The following ZNF8 variants were observed in gnomAD, a reference collection of about 807,000 sequenced individuals.
ZNF8 encodes zinc finger protein 272.
In ZNF8, 9 loss-of-function variants were observed where a neutral mutation model predicts 12.2. The observed-to-expected ratio is 0.73, with a 90% CI of 0.44 to 1.28. The LOEUF (loss-of-function observed/expected upper bound fraction) is 1.28, where lower values mean the gene tolerates loss of function less well. Ranked by LOEUF, ZNF8 falls within the 50% of genes most tolerant of loss-of-function variation. The pLI is 0.00. For synonymous variants in ZNF8, 274 were observed against 282.3 expected, an observed-to-expected ratio of 0.97 and a Z score of 0.30; for missense variants, 664 against 729.1, an observed-to-expected ratio of 0.91 and a Z score of 1.03.
chr19:58,279,447 G>T, intron 1 of ZNF8: 1 of 1,452,610 alleles, frequency 6.9e-7, no homozygotes, highest in East Asian at 2.5e-5. Context: ...GTTCTGCTCC[G>T]CCCCGCCGAC....
chr19:58,294,400 G>C lies in ZNF8; in HGVS notation c.592G>C (p.Glu198Gln). 7.4e-6 allele frequency: 12 copies of C among 1,614,012 alleles called. No homozygotes were observed. The highest frequency in any genetic ancestry group is 1.0e-5 in the Non-Finnish European group (12 of 1,180,018). The part of the protein sequence containing the change: ...PNPFPEISRG[E>Q]YLYTYDSQIT... Reference sequence around the variant, plus strand: ...TCCATTCCCAGAGATCTCTAGAGGGGAGTATTTGTATACTTACGACTCACA... The same window carrying C: ...TCCATTCCCAGAGATCTCTAGAGGGCAGTATTTGTATACTTACGACTCACA... Residue 198 changes from glutamate (E) to glutamine (Q), a missense_variant, in exon 4 of 4, where the codon GAG becomes CAG. Glu to Gln is a conservative substitution (Grantham distance 29). This residue lies in a region of ZNF8 where 306 missense variants were observed against 308.7 expected (regional missense o/e 0.99). Coordinates refer to ENST00000621650, the MANE Select transcript of ZNF8 (RefSeq NM_021089.3). This position sits in a 1 kb window ranked among gnomAD's most constrained non-coding sequence, Gnocchi z 5.5.
intron 3 of ZNF8, among the ~76,000 whole-genome samples, chr19:58,288,490 C>T (rs2147957264): frequency 6.6e-6 from 1 of 152,254 alleles, no homozygotes; most frequent in South Asian, 2.1e-4. Context: ...TTTGGCAGAA[C>T]TCTAGATGTC....
chr19:58,290,820 G>T (rs904523292), intron 3 of ZNF8, among the ~76,000 whole-genome samples: 2 of 152,160 alleles, frequency 1.3e-5, no homozygotes, highest in Non-Finnish European at 2.9e-5. Flanking sequence ...GGAGGCCGAG[G>T]CGGGTGGTTC....
intron 1 of ZNF8, among the ~76,000 whole-genome samples, chr19:58,283,678 C>T (rs1356930148): frequency 1.3e-5 from 2 of 148,926 alleles, no homozygotes; most frequent in African/African-American, 5.0e-5. Flanking sequence ...TGACTCACTG[C>T]AAGCTCTGCC....
intron 1 of ZNF8, among the ~76,000 whole-genome samples, chr19:58,283,645 G>A (rs937015693): frequency 6.7e-6 from 1 of 148,560 alleles, no homozygotes; most frequent in Non-Finnish European, 1.5e-5. Flanking sequence ...TGTTGCCCAG[G>A]CTGGAGTGCA....
In ZNF8 at chr19:58,286,215, C is replaced by G. The variant is rs2051382253; in HGVS notation, c.289+10C>G. ...CAGGGCTGCCATCCAGGTGAGAACCCACTATGTGGGAGCAGCTAATGGGAG... is the reference window on the plus strand; with the variant it reads ...CAGGGCTGCCATCCAGGTGAGAACCGACTATGTGGGAGCAGCTAATGGGAG... On this transcript the variant is annotated intron_variant, in intron 3 of 3. Coordinates refer to ENST00000621650, the MANE Select transcript of ZNF8 (RefSeq NM_021089.3). 1 of 1,550,608 alleles carries G rather than the reference C, an allele frequency of 6.4e-7. No individual in the cohort carries two copies. Among genetic ancestry groups the G allele is most frequent in the Non-Finnish European group, 8.7e-7 (1 of 1,145,360 alleles).
At chr19:58,284,228 A>G (rs1600453242) in intron 1 of ZNF8, among the ~76,000 whole-genome samples, 1 of 85,300 alleles carries the variant, frequency 1.2e-5, no homozygotes, top group Non-Finnish European at 2.6e-5. Context: ...CCATCTCGAG[A>G]AAAAAAAAAT....
rs1322135774 is a variant in ZNF8, at chr19:58,295,254, C to T, written c.1446C>T (p.Leu482=). 6 of 1,614,252 alleles carry T rather than the reference C, an allele frequency of 3.7e-6. No homozygotes were observed. The highest frequency in any genetic ancestry group is 4.2e-6 in the Non-Finnish European group (5 of 1,180,044). ...AGTGTTTCATTCAGAGCTCTCACCT[C>T]ATCCGGCACCAGATAACTCACACCA... is the stretch of plus-strand genomic sequence containing the variant. ...CGKCFIQSSH[L]IRHQITHTRE... is the part of the protein sequence containing the mutation. The change falls in exon 4 of 4, where the codon CTC becomes CTT. Residue 482 remains leucine, a synonymous_variant. Transcript: ENST00000621650.
chr19:58,283,569 C>G (rs2051363372), intron 1 of ZNF8, among the ~76,000 whole-genome samples: 1 of 151,678 alleles, frequency 6.6e-6, no homozygotes, highest in African/African-American at 2.4e-5. Context: ...TATTAGACTT[C>G]CCAGCCTTCA....
Position 58,284,235 on chromosome 19 carries a change from A to T in ZNF8, c.67-1482A>T, listed in dbSNP as rs574576279. ...TGAGACTCCCATCTCGAGAAAAAAAAAATAATAAATTATTCAGTCTGTGAT... is the reference window on the plus strand; with the variant it reads ...TGAGACTCCCATCTCGAGAAAAAAATAATAATAAATTATTCAGTCTGTGAT... On this transcript the variant is annotated intron_variant, in intron 1 of 3. Transcript: ENST00000621650. 1.4e-3 allele frequency among the ~76,000 whole-genome samples: 220 copies of T among 152,214 alleles called. 1 individual carries two copies. Among genetic ancestry groups the T allele is most frequent in the African/African-American group, 3.9e-3 (162 of 41,528 alleles).
chr19:58,279,157 A>G lies in ZNF8; in HGVS notation c.66+10A>G, dbSNP rs778552022. On this transcript the variant is annotated intron_variant, in intron 1 of 3. Transcript: ENST00000621650. ...GGCGGCCCGGCTTCAGGTAACAATA[A>G]CAACAATAACGACGGCGGCGGGCTC... 4 of 1,559,192 alleles carry G rather than the reference A, an allele frequency of 2.6e-6. No homozygotes were observed. The highest frequency in any genetic ancestry group is 1.7e-6 in the Non-Finnish European group (2 of 1,152,844).
Position 58,302,445 on chromosome 19 carries a change from A to G in ZNF8, c.*6909A>G, listed in dbSNP as rs528736805. ...ATAGTGTACACTAAATTTTACATAC[A>G]CACAGAGGAATATATATGTGTATAG... On this transcript the variant is annotated 3_prime_UTR_variant, in exon 4 of 4. Coordinates refer to ENST00000621650, the MANE Select transcript of ZNF8 (RefSeq NM_021089.3). The G allele has an allele frequency of 6.6e-6, 1 of 152,342 alleles. No individual in the cohort carries two copies. The highest frequency in any genetic ancestry group is 2.1e-4 in the South Asian group (1 of 4,830). 9.4% of individuals were successfully genotyped at this position (152,342 alleles called of 1,614,324 possible).
chr19:58,286,017 G>C, intron 2 of ZNF8, 93 bp from the exon 3 acceptor site: 1 of 1,445,644 alleles, frequency 6.9e-7, no homozygotes, highest in Non-Finnish European at 9.6e-7. Flanking sequence ...AGGTGCCCAC[G>C]TGTCCTCACA....
intron 3 of ZNF8, among the ~76,000 whole-genome samples, chr19:58,289,740 C>T (rs2051405540): frequency 6.6e-6 from 1 of 152,072 alleles, no homozygotes; most frequent in South Asian, 2.1e-4. Context: ...CCTTCTGCTT[C>T]CCTCCTATAT....
chr19:58,285,862 G>T lies in ZNF8; in HGVS notation c.193+19G>T. On this transcript the variant is annotated intron_variant, in intron 2 of 3. Transcript: ENST00000621650. ...TCCATAGGTAAGCCCTGCTTCGCAA[G>T]GTGTGATAGCTGATTCTCTCTGGGT... The T allele has an allele frequency of 6.3e-7, 1 of 1,596,138 alleles. No individual in the cohort carries two copies. Among genetic ancestry groups the T allele is most frequent in the Non-Finnish European group, 8.5e-7 (1 of 1,170,546 alleles).
Position 58,294,417 on chromosome 19 carries a change from C to A in ZNF8, c.609C>A (p.Tyr203Ter), listed in dbSNP as rs3745137. ...EISRGEYLYT[Y>*]DSQITDSEHN... ...CTAGAGGGGAGTATTTGTATACTTA[C>A]GACTCACAGATTACAGACTCAGAAC... The change falls in exon 4 of 4, where the codon TAC becomes TAA. Residue 203 changes from tyrosine to a stop codon, truncating the protein, a stop_gained. Transcript: ENST00000621650. LOFTEE classifies it low-confidence loss of function (END_TRUNC). This position sits in a 1 kb window ranked among gnomAD's most constrained non-coding sequence, Gnocchi z 5.5. 2 of 1,614,046 alleles carry A rather than the reference C, an allele frequency of 1.2e-6. No homozygotes were observed. The highest frequency in any genetic ancestry group is 1.7e-6 in the Non-Finnish European group (2 of 1,180,032).
intron 2 of ZNF8, 56 bp downstream of exon 2, chr19:58,285,899 G>T (rs1280231781): frequency 1.9e-5 from 30 of 1,559,840 alleles, no homozygotes; most frequent in Non-Finnish European, 4.3e-6. Flanking sequence ...ATAAGTCATG[G>T]GGCCTCTGGT....
Position 58,294,508 on chromosome 19 carries a change from T to C in ZNF8, c.700T>C (p.Cys234Arg), listed in dbSNP as rs145477083. Residue 234 changes from cysteine (C) to arginine (R), a missense_variant, in exon 4 of 4, where the codon TGT (cysteine) becomes CGT (arginine). This residue lies in a region of ZNF8 where 306 missense variants were observed against 308.7 expected (regional missense o/e 0.99). Coordinates refer to ENST00000621650, the MANE Select transcript of ZNF8 (RefSeq NM_021089.3). This position sits in a 1 kb window ranked among gnomAD's most constrained non-coding sequence, Gnocchi z 5.5. ...AAAACAGCCCGGTGAAAACAGTGAC[T>C]GTCACAGAGATTCCAGTCAGGCCAT... is the stretch of plus-strand genomic sequence containing the variant. Reference protein sequence around the residue: ...PGKQPGENSDCHRDSSQAIPI... With the variant: ...PGKQPGENSDRHRDSSQAIPI... 3,044 of 1,614,168 alleles carry C rather than the reference T, an allele frequency of 1.9e-3. 6 individuals are homozygous for C. The highest frequency in any genetic ancestry group is 3.0e-3 in the Middle Eastern group (18 of 6,062).
At chr19:58,290,139 A>T (rs1456522712) in intron 3 of ZNF8, among the ~76,000 whole-genome samples, 1 of 84,588 alleles carries the variant, frequency 1.2e-5, no homozygotes, top group South Asian at 4.2e-4. Flanking sequence ...TTTGAGACGG[A>T]GTCTCGCTCT....
Sources: gnomAD v4.1 joint callset for allele counts (sites outside exome capture counted in the v4.1 genomes callset) on GRCh38, gnomAD v4.1.1 for gene constraint, gnomAD v4.1.1 regional missense constraint, Gnocchi (gnomAD v3.1) non-coding constraint, MANE v1.5 for transcripts, NCBI Gene and HGNC (gene_info 2026-07-23, HGNC 2026-07-21) for gene names.